Variants in EYS observed in about 807,000 individuals in gnomAD.
The protein encoded by EYS is protein eyes shut homolog.
A neutral mutation model predicts 282.1 loss-of-function variants in EYS; 250 were observed. The observed-to-expected ratio is 0.89, with a 90% CI of 0.80 to 0.98. The LOEUF (loss-of-function observed/expected upper bound fraction) is 0.98. EYS is among the 50% of genes least tolerant of loss of function. EYS has a pLI of 0.00. For missense variants in EYS, 4,016 were observed against 3,709.0 expected, an observed-to-expected ratio of 1.08 and a Z score of -2.15; for synonymous variants, 1,355 against 1,282.9, an observed-to-expected ratio of 1.06 and a Z score of -1.20.
intron 31 of EYS, among the ~76,000 whole-genome samples, chr6:64,105,119 C>T (rs185458608): frequency 7.5e-4 from 114 of 151,848 alleles, no homozygotes; most frequent in Middle Eastern, 3.4e-3. Flanking sequence ...AAAGAAAATT[C>T]AAAGTGTGAG....
chr6:65,615,699 C>A (rs1305969859), intron 2 of EYS, among the ~76,000 whole-genome samples: 1 of 151,910 alleles, frequency 6.6e-6, no homozygotes, highest in Non-Finnish European at 1.5e-5. Flanking sequence ...CTTTGGGAGG[C>A]CAAGGCGGGC....
At chr6:64,265,306 C>T (rs893812849) in intron 30 of EYS, among the ~76,000 whole-genome samples, 1 of 152,118 alleles carries the variant, frequency 6.6e-6, no homozygotes, top group African/African-American at 2.4e-5. Context: ...AAATTGAAAG[C>T]TTGAAAGAAA....
At chr6:65,019,901 C>T (rs1055585067) in intron 13 of EYS, among the ~76,000 whole-genome samples, 9 of 129,766 alleles carry the variant, frequency 6.9e-5, no homozygotes, top group Middle Eastern at 3.8e-3. Context: ...CTTCACATGG[C>T]GGCAGCAAGA....
intron 36 of EYS, among the ~76,000 whole-genome samples, chr6:63,824,795 C>T (rs1771414891): frequency 6.6e-6 from 1 of 152,122 alleles, no homozygotes; most frequent in South Asian, 2.1e-4. Context: ...TGCCTGGCAC[C>T]ACAGGGATCC....
intron 41 of EYS, among the ~76,000 whole-genome samples, chr6:63,734,070 T>C (rs1215741501): frequency 1.3e-5 from 2 of 152,132 alleles, no homozygotes; most frequent in Non-Finnish European, 2.9e-5. Flanking sequence ...AGCTAAACAT[T>C]GGATACACAT....
chr6:65,240,053 C>G (rs1472473148), intron 12 of EYS, among the ~76,000 whole-genome samples: 2 of 151,698 alleles, frequency 1.3e-5, no homozygotes, highest in Non-Finnish European at 2.9e-5. Context: ...ACTGCAACCT[C>G]TGCCTCCTGG....
chr6:64,250,319 C>G (rs1361082833), intron 30 of EYS, among the ~76,000 whole-genome samples: 1 of 152,138 alleles, frequency 6.6e-6, no homozygotes, highest in Admixed American at 6.6e-5. Flanking sequence ...CATTCCTGCT[C>G]AGTTGGGTCA....
intron 19 of EYS, among the ~76,000 whole-genome samples, chr6:64,876,248 G>T (rs975404672): frequency 2.6e-5 from 4 of 151,930 alleles, no homozygotes; most frequent in African/African-American, 9.7e-5. Context: ...TATCTAGATT[G>T]TTTGCCACAG....
chr6:63,946,589 A>T (rs1287508469), intron 35 of EYS, among the ~76,000 whole-genome samples: 1 of 152,168 alleles, frequency 6.6e-6, no homozygotes, highest in African/African-American at 2.4e-5. Context: ...AGATCAAGTA[A>T]GGTGTACTGG....
At chr6:64,470,168 C>G (rs550430776) in intron 26 of EYS, among the ~76,000 whole-genome samples, 7 of 152,114 alleles carry the variant, frequency 4.6e-5, no homozygotes, top group Non-Finnish European at 7.4e-5. Flanking sequence ...AGTGGTCCCC[C>G]GGGCCCAGTT....
At chr6:64,409,202 G>T (rs956840833) in intron 28 of EYS, among the ~76,000 whole-genome samples, 1 of 151,994 alleles carries the variant, frequency 6.6e-6, no homozygotes, top group African/African-American at 2.4e-5. Flanking sequence ...ACTATTAATG[G>T]GCATCTAGGT....
intron 33 of EYS, among the ~76,000 whole-genome samples, chr6:64,032,821 T>G (rs1769918267): frequency 6.6e-6 from 1 of 152,268 alleles, no homozygotes; most frequent in African/African-American, 2.4e-5. Context: ...ATGTCCTTTC[T>G]AGCCATGCCA....
intron 28 of EYS, among the ~76,000 whole-genome samples, chr6:64,429,658 A>T (rs1262518593): frequency 6.6e-6 from 1 of 152,080 alleles, no homozygotes; most frequent in African/African-American, 2.4e-5. Context: ...AAAAACTTAA[A>T]CATGGTTAAT....
intron 1 of EYS, among the ~76,000 whole-genome samples, chr6:65,653,597 A>G (rs1767726120): frequency 6.6e-6 from 1 of 151,904 alleles, no homozygotes; most frequent in Non-Finnish European, 1.5e-5. Flanking sequence ...TCCAACTTTT[A>G]ATTCTGACTC....
chr6:64,547,134 G>C (rs1050527412), intron 26 of EYS, among the ~76,000 whole-genome samples: 3 of 152,156 alleles, frequency 2.0e-5, no homozygotes, highest in Non-Finnish European at 4.4e-5. Flanking sequence ...GAGTGTTACA[G>C]CTCATAAAGG....
intron 1 of EYS, among the ~76,000 whole-genome samples, chr6:65,669,312 G>A (rs1015147134): frequency 2.4e-4 from 36 of 151,824 alleles, no homozygotes; most frequent in African/African-American, 5.8e-4. Flanking sequence ...GACTTGGAGC[G>A]AAGGCCCTTT....
At chr6:65,346,877 C>G (rs1186928764) in intron 9 of EYS, among the ~76,000 whole-genome samples, 2 of 151,842 alleles carry the variant, frequency 1.3e-5, no homozygotes, top group Non-Finnish European at 2.9e-5. Flanking sequence ...GTCTACTATA[C>G]ACATGATTCT....
At chr6:63,803,862 AAATT>A (rs1264876640) in intron 37 of EYS, among the ~76,000 whole-genome samples, 9 of 152,208 alleles carry the variant, frequency 5.9e-5, no homozygotes. Flanking sequence ...AAAGGATACT[AAATT>A]AAAGTAATGG....
intron 32 of EYS, among the ~76,000 whole-genome samples, chr6:64,078,700 A>T (rs1771855069): frequency 6.6e-6 from 1 of 152,092 alleles, no homozygotes; most frequent in Non-Finnish European, 1.5e-5. Context: ...GATAATCGTT[A>T]CAGTGGGATT....
Sources: gnomAD v4.1 joint callset for allele counts (sites outside exome capture counted in the v4.1 genomes callset) on GRCh38, gnomAD v4.1.1 for gene constraint, MANE v1.5 for transcripts, NCBI Gene and HGNC (gene_info 2026-07-23, HGNC 2026-07-21) for gene names.